The following FBXL2 variants were observed in gnomAD, a reference collection of about 807,000 sequenced individuals.
FBXL2 encodes the protein F-box/LRR-repeat protein 2.
Under a neutral mutation model 69.2 loss-of-function variants are expected in FBXL2, and 38 were observed. The ratio of observed to expected loss-of-function variants is 0.55; its 90% CI spans 0.42 to 0.72. FBXL2 has a LOEUF of 0.72. FBXL2 is among the 30% of genes least tolerant of loss of function. The pLI, the probability that FBXL2 is intolerant of heterozygous loss-of-function variation, is 0.00. For synonymous variants in FBXL2, 192 were observed against 201.3 expected (o/e 0.95, Z 0.39); for missense variants, 354 against 520.3 (o/e 0.68, Z 3.11).
Position 33,385,741 on chromosome 3 carries a change from T to C in FBXL2, c.*133T>C, listed in dbSNP as rs2043389396. 1 of 688,416 alleles carries C rather than the reference T, an allele frequency of 1.5e-6. No individual in the cohort carries two copies. The highest frequency in any genetic ancestry group is 2.6e-5 in the Admixed American group (1 of 38,660). 42.6% of individuals were successfully genotyped at this position (688,416 alleles called of 1,614,324 possible). On this transcript the variant is annotated 3_prime_UTR_variant, in exon 15 of 15. Coordinates refer to ENST00000484457, the MANE Select transcript of FBXL2 (RefSeq NM_012157.5). ...AAGGCATTTACAGGTAAAAGACTTC[T>C]GTATGGATTGCAGTTACTCTGGTGA... is the stretch of plus-strand genomic sequence containing the variant.
At chr3:33,277,369 G>A (rs147031531), upstream of FBXL2, 3,563 of 877,948 alleles carry the variant, frequency 4.1e-3, 136 homozygotes, top group East Asian at 0.081. Flanking sequence ...CGCCCCTGCG[G>A]GTCACGTGCT....
intron 2 of FBXL2, among the ~76,000 whole-genome samples, chr3:33,324,484 G>A (rs546205744): frequency 6.6e-6 from 1 of 152,254 alleles, no homozygotes; most frequent in South Asian, 2.1e-4. Context: ...TTAGTGTAAG[G>A]TATAAGGAAG....
intron 1 of FBXL2, among the ~76,000 whole-genome samples, chr3:33,283,443 A>G (rs1272279321): frequency 6.6e-6 from 1 of 152,146 alleles, no homozygotes; most frequent in African/African-American, 2.4e-5. Flanking sequence ...TGCTGGATTC[A>G]GTTTGCCAGT....
intron 2 of FBXL2, among the ~76,000 whole-genome samples, chr3:33,305,018 A>G (rs2036593326): frequency 6.6e-6 from 1 of 151,924 alleles, no homozygotes; most frequent in African/African-American, 2.4e-5. Flanking sequence ...TTATATTCTC[A>G]GTATAATCTT....
intron 12 of FBXL2, among the ~76,000 whole-genome samples, chr3:33,394,919 A>G (rs892617063): frequency 2.0e-5 from 3 of 151,622 alleles, no homozygotes; most frequent in Admixed American, 6.6e-5. Context: ...ACAGAGTTGA[A>G]TGTGAGAGAC....
chr3:33,365,238 C>A (rs901487216), intron 5 of FBXL2, among the ~76,000 whole-genome samples: 1 of 151,528 alleles, frequency 6.6e-6, no homozygotes, highest in Non-Finnish European at 1.5e-5. Context: ...CCTATACAAC[C>A]AAATATTTGC....
the FBXL2 span, among the ~76,000 whole-genome samples, chr3:33,412,259 ATTAG>A: frequency 6.6e-6 from 1 of 151,936 alleles, no homozygotes; most frequent in African/African-American, 2.4e-5. Flanking sequence ...CCAGGTTCAC[ATTAG>A]TTTAGCACCA....
downstream of FBXL2, among the ~76,000 whole-genome samples, chr3:33,407,004 G>T (rs751642411): frequency 2.0e-5 from 3 of 152,168 alleles, 1 homozygote; most frequent in Admixed American, 2.0e-4. Context: ...AAAGCCAATT[G>T]TAACTAGCCA....
At chr3:33,298,268 A>G (rs1359879471) in intron 2 of FBXL2, among the ~76,000 whole-genome samples, 3 of 152,220 alleles carry the variant, frequency 2.0e-5, no homozygotes, top group Non-Finnish European at 2.9e-5. Flanking sequence ...CACTGAATAT[A>G]CAGTAAATGT....
chr3:33,328,750 A>G (rs1473327592), intron 2 of FBXL2, among the ~76,000 whole-genome samples: 1 of 152,062 alleles, frequency 6.6e-6, no homozygotes, highest in Admixed American at 6.6e-5. Flanking sequence ...CTAGAAGAAA[A>G]CATTGGGGAA....
intron 2 of FBXL2, among the ~76,000 whole-genome samples, chr3:33,338,935 G>T (rs1015971314): frequency 6.6e-6 from 1 of 151,986 alleles, no homozygotes; most frequent in Non-Finnish European, 1.5e-5. Flanking sequence ...TGGGACCTAC[G>T]TAAACTAAAG....
In FBXL2 at chr3:33,387,601, C is replaced by CATCA. The variant is rs1018730856; in HGVS notation, c.*1994_*1997dup. The CATCA allele has an allele frequency of 7.1e-6, 1 of 141,292 alleles. No homozygotes were observed. Among genetic ancestry groups the CATCA allele is most frequent in the Non-Finnish European group, 1.5e-5 (1 of 65,738 alleles). The allele number at this position is 141,292 out of a possible 1,614,324, so 8.8% of individuals were successfully genotyped here. A position where few individuals can be genotyped will look rare whatever the true frequency, so the allele number is the denominator to read the frequency against. On this transcript the variant is annotated 3_prime_UTR_variant, in exon 15 of 15. Coordinates refer to ENST00000484457, the MANE Select transcript of FBXL2 (RefSeq NM_012157.5). The stretch of plus-strand genomic sequence containing the variant: ...AGCCCAGGAGACAACAGTGAGACTC[C>CATCA]ATCATCATCTCAAAACAAAACAAAC...
intron 1 of FBXL2, among the ~76,000 whole-genome samples, chr3:33,283,906 A>G (rs1293164495): frequency 6.6e-6 from 1 of 152,152 alleles, no homozygotes; most frequent in East Asian, 1.9e-4. Context: ...TCCGTTTATG[A>G]TCTTTTATTG....
chr3:33,300,257 G>A (rs934439826), intron 2 of FBXL2, among the ~76,000 whole-genome samples: 1 of 152,080 alleles, frequency 6.6e-6, no homozygotes, highest in African/African-American at 2.4e-5. Flanking sequence ...GTTTCTGTCT[G>A]TTGATACCAA....
intron 2 of FBXL2, among the ~76,000 whole-genome samples, chr3:33,326,076 A>G (rs1450823383): frequency 6.6e-6 from 1 of 152,236 alleles, no homozygotes; most frequent in African/African-American, 2.4e-5. Flanking sequence ...TTAGCAAATC[A>G]AACAACAAAA....
rs374563543 is a variant in FBXL2, at chr3:33,277,531, G to A, written c.3+16G>A. The A allele has an allele frequency of 1.7e-4, 224 of 1,293,254 alleles. No homozygotes were observed. Among genetic ancestry groups the A allele is most frequent in the Admixed American group, 1.2e-3 (31 of 26,954 alleles). 80.1% of individuals were successfully genotyped at this position (1,293,254 alleles called of 1,614,324 possible). ...TTCGGCCATGGTGAGTCTGGGACCC[G>A]CGTCTGCCTAGCTGCCCCGCCCTAC... On this transcript the variant is annotated intron_variant, in intron 1 of 14. Transcript: ENST00000484457.
chr3:33,326,468 T>C (rs1160123943), intron 2 of FBXL2, among the ~76,000 whole-genome samples: 1 of 148,338 alleles, frequency 6.7e-6, no homozygotes, highest in East Asian at 2.0e-4. Context: ...GCTCTACCAC[T>C]GCACTCCAGC....
At chr3:33,419,022 A>C in the FBXL2 span, among the ~76,000 whole-genome samples, 1 of 152,186 alleles carries the variant, frequency 6.6e-6, no homozygotes, top group Non-Finnish European at 1.5e-5. Flanking sequence ...AATTAAAACC[A>C]CACTGAAATC....
intron 2 of FBXL2, among the ~76,000 whole-genome samples, chr3:33,328,723 C>G (rs547105012): frequency 1.3e-4 from 20 of 151,906 alleles, no homozygotes; most frequent in Non-Finnish European, 2.8e-4. Flanking sequence ...AATTTAACAC[C>G]TGTAATTGTG....
Sources: gnomAD v4.1 joint callset for allele counts (sites outside exome capture counted in the v4.1 genomes callset) on GRCh38, gnomAD v4.1.1 for gene constraint, MANE v1.5 for transcripts, NCBI Gene and HGNC (gene_info 2026-07-23, HGNC 2026-07-21) for gene names.